The following AGRN variants were observed in gnomAD, a reference collection of about 807,000 sequenced individuals.
AGRN encodes agrin proteoglycan.
A neutral mutation model predicts 211.0 loss-of-function variants in AGRN; 106 were observed. The ratio of observed to expected loss-of-function variants is 0.50; its 90% CI spans 0.43 to 0.59. AGRN has a LOEUF of 0.59. Ranked by LOEUF, AGRN falls within the 20% of genes least tolerant of loss-of-function variation. AGRN has a pLI of 0.00. For synonymous variants in AGRN, 1,525 were observed against 1,332.5 expected (o/e 1.14, Z -3.15); for missense variants, 3,040 against 2,982.6 (o/e 1.02, Z -0.45).
Position 1,049,032 on chromosome 1 carries a change from C to T in AGRN, c.4271C>T (p.Ala1424Val), listed in dbSNP as rs777530290. 1.7e-5 allele frequency: 26 copies of T among 1,566,422 alleles called. No individual in the cohort carries two copies. The highest frequency in any genetic ancestry group is 2.3e-4 in the Middle Eastern group (1 of 4,400). Reference protein sequence around the residue: ...NARGKDFLALALLDGRVQLRF... With the variant: ...NARGKDFLALVLLDGRVQLRF... ...CGGGGCAAGGACTTCCTGGCATTGG[C>T]GCTGCTAGATGGCCGCGTGCAGCTC... The change falls in exon 24 of 36, where the codon GCG becomes GTG. Residue 1424 changes from alanine to valine, a missense_variant. This residue lies in a region of AGRN where 1,537 missense variants were observed against 1,505.0 expected (regional missense o/e 1.02). Coordinates refer to ENST00000379370, the MANE Select transcript of AGRN (RefSeq NM_198576.4).
intron 30 of AGRN, 71 bp downstream of exon 30, chr1:1,050,908 C>G: frequency 6.5e-7 from 1 of 1,528,968 alleles, no homozygotes; most frequent in Non-Finnish European, 8.8e-7. Context: ...AGCCCCGCCC[C>G]TGCCGGCGCT....
At chr1:1,038,786 TTG>T (rs1557697594) in intron 3 of AGRN, among the ~76,000 whole-genome samples, 4 of 151,958 alleles carry the variant, frequency 2.6e-5, no homozygotes, top group African/African-American at 9.7e-5. Context: ...CAGGTGCCCG[TTG>T]GATTTGGACT....
At position 1,049,728 on chromosome 1, in the gene AGRN, T is replaced by C; in HGVS notation, c.4677T>C (p.His1559=). 2 of 1,582,500 alleles carry C rather than the reference T, an allele frequency of 1.3e-6. No homozygotes were observed. Among genetic ancestry groups the C allele is most frequent in the Non-Finnish European group, 1.7e-6 (2 of 1,166,000 alleles). Residue 1559 remains histidine (H), a synonymous_variant, in exon 26 of 36, where the codon CAT becomes CAC. Coordinates refer to ENST00000379370, the MANE Select transcript of AGRN (RefSeq NM_198576.4). ...GDHPCLPNPC[H]GGAPCQNLEA... is the part of the protein sequence containing the mutation. ...ACCCCTGCCTGCCCAACCCCTGCCA[T>C]GGCGGGGCCCCATGCCAGAACCTGG... is the stretch of plus-strand genomic sequence containing the variant.
intron 30 of AGRN, 132 bp from the exon 31 acceptor site, chr1:1,051,121 G>A: frequency 1.3e-6 from 2 of 1,490,674 alleles, no homozygotes; most frequent in Non-Finnish European, 1.8e-6. Flanking sequence ...TAAGGACCCT[G>A]CCATTTCTGT....
chr1:1,029,106 G>A (rs1467537104), intron 2 of AGRN, among the ~76,000 whole-genome samples: 2 of 149,148 alleles, frequency 1.3e-5, no homozygotes, highest in Non-Finnish European at 1.5e-5. Flanking sequence ...CCACAGCCAC[G>A]CCACCCTTTC....
Position 1,041,465 on chromosome 1 carries a change from C to A in AGRN, c.953-13C>A, listed in dbSNP as rs1178185141. On this transcript the variant is annotated splice_polypyrimidine_tract_variant and intron_variant, in intron 5 of 35. Transcript: ENST00000379370. ...GCGGCGACAGCGTCCTGACTCCTGC[C>A]CTCGACCCCCAGACCCCTGTCAGGG... 2 of 1,583,580 alleles carry A rather than the reference C, an allele frequency of 1.3e-6. No individual in the cohort carries two copies. Among genetic ancestry groups the A allele is most frequent in the South Asian group, 2.2e-5 (2 of 89,002 alleles).
At position 1,028,331 on chromosome 1, in the gene AGRN, C is replaced by G. The variant is rs868696502; in HGVS notation, c.463+5869C>G. Among the ~76,000 whole-genome samples the G allele has an allele frequency of 2.5e-3, 359 of 143,654 alleles. 30 individuals carry two copies. The highest frequency in any genetic ancestry group is 8.8e-3 in the African/African-American group (336 of 38,032). 94.2% of individuals were successfully genotyped at this position (143,654 alleles called of 152,430 possible). A position where few individuals can be genotyped will look rare whatever the true frequency, so the allele number is the denominator to read the frequency against. Reference sequence around the variant, plus strand: ...TCCCGTGGGGAAACGCCCCCCCCCCCCCCCCGCCCTGCACCTGGCTGGCGG... The same window carrying G: ...TCCCGTGGGGAAACGCCCCCCCCCCGCCCCCGCCCTGCACCTGGCTGGCGG... On this transcript the variant is annotated intron_variant, in intron 2 of 35. Coordinates refer to ENST00000379370, the MANE Select transcript of AGRN (RefSeq NM_198576.4).
intron 2 of AGRN, 158 bp from the exon 3 acceptor site, chr1:1,035,119 A>AT: frequency 1.3e-6 from 1 of 799,600 alleles, no homozygotes; most frequent in South Asian, 1.4e-5. Context: ...CAGCCAGCCC[A>AT]TGGGGTCAGG....
intron 17 of AGRN, 32 bp downstream of exon 17, chr1:1,046,297 AC>A: frequency 1.9e-6 from 3 of 1,612,424 alleles, no homozygotes; most frequent in Non-Finnish European, 2.5e-6. Flanking sequence ...CCCAGAACTG[AC>A]CAGGAAGGCC....
intron 2 of AGRN, among the ~76,000 whole-genome samples, chr1:1,026,998 G>T (rs1644534128): frequency 6.6e-6 from 1 of 152,204 alleles, no homozygotes; most frequent in South Asian, 2.1e-4. Context: ...AGCGGAGCCT[G>T]CAGCACTGAG....
At chr1:1,040,518 G>T in intron 3 of AGRN, 147 bp from the exon 4 acceptor site, 1 of 967,530 alleles carries the variant, frequency 1.0e-6, no homozygotes, top group Non-Finnish European at 1.5e-6. Context: ...GTGAGCGCAC[G>T]CACGCGTGTC....
rs144794590 is a variant in AGRN, at chr1:1,045,797, G to T, written c.2601G>T (p.Ser867=). The part of the protein sequence containing the change: ...DDCEQMTGLC[S]CKPGVAGPKC... ...GTGAGCAGATGACGGGGCTGTGCTC[G>T]TGTAAGCCCGGGGTGGCTGGACCCA... The change falls in exon 15 of 36, where the codon TCG becomes TCT. Residue 867 remains serine (S), a synonymous_variant. Transcript: ENST00000379370. 1.5e-5 allele frequency: 24 copies of T among 1,613,204 alleles called. No individual in the cohort carries two copies. Among genetic ancestry groups the T allele is most frequent in the Admixed American group, 6.7e-5 (4 of 60,030 alleles).
In AGRN at chr1:1,050,731, G is replaced by A. The variant is rs1485164787; in HGVS notation, c.5147G>A (p.Arg1716Lys). The change falls in exon 30 of 36, where the codon AGG (arginine) becomes AAG (lysine). Residue 1716 changes from arginine to lysine, a missense_variant. By Grantham distance (26) the Arg-to-Lys change is conservative. Coordinates refer to ENST00000379370, the MANE Select transcript of AGRN (RefSeq NM_198576.4). ...LGKGAAVIRS[R>K]EPVTLGAWTR... ...ACGCTGCCCCTCCTCACCAGGAGCA[G>A]GGAGCCAGTCACCCTGGGAGCCTGG... 2 of 1,602,264 alleles carry A rather than the reference G, an allele frequency of 1.2e-6. No homozygotes were observed. Among genetic ancestry groups the A allele is most frequent in the African/African-American group, 1.3e-5 (1 of 74,748 alleles).
At chr1:1,025,985 G>A (rs367553588) in intron 2 of AGRN, among the ~76,000 whole-genome samples, 5 of 149,888 alleles carry the variant, frequency 3.3e-5, no homozygotes, top group Non-Finnish European at 7.4e-5. Context: ...GCCTTGGCCT[G>A]GGGGGGGGCT....
In AGRN at chr1:1,055,388, G is replaced by T; in HGVS notation, c.*407G>T. On this transcript the variant is annotated 3_prime_UTR_variant, in exon 36 of 36. Transcript: ENST00000379370. ...GGGTGACCCCACAGGGCCTTTCCAA[G>T]CCCCCATTTGAGCTGCTCCTTCCTG... 1 of 346,044 alleles carries T rather than the reference G, an allele frequency of 2.9e-6. No individual in the cohort carries two copies. The highest frequency in any genetic ancestry group is 2.4e-5 in the South Asian group (1 of 42,518). 21.4% of individuals were successfully genotyped at this position (346,044 alleles called of 1,614,324 possible). A position where few individuals can be genotyped will look rare whatever the true frequency, so the allele number is the denominator to read the frequency against.
In AGRN at chr1:1,044,177, C is replaced by A. The variant is rs1645026919; in HGVS notation, c.2068C>A (p.Arg690Ser). Residue 690 changes from arginine (R) to serine (S), a missense_variant, in exon 11 of 36, where the codon CGC (arginine) becomes AGC (serine). By Grantham distance (110) the Arg-to-Ser change is moderately radical. This residue lies in a region of AGRN where 1,498 missense variants were observed against 1,457.8 expected (regional missense o/e 1.03). Coordinates refer to ENST00000379370, the MANE Select transcript of AGRN (RefSeq NM_198576.4). ...CTGTGAGCAGGAGCTGTGCCGGCAG[C>A]GCGGTGGCATCTGGGACGAGGACTC... ...GDCEQELCRQRGGIWDEDSED... is the reference protein window; with the variant it reads ...GDCEQELCRQSGGIWDEDSED... 6.2e-7 allele frequency: 1 copy of A among 1,613,186 alleles called. No homozygotes were observed. Among genetic ancestry groups the A allele is most frequent in the East Asian group, 2.2e-5 (1 of 44,878 alleles).
At chr1:1,022,611 TTCTCCGTCCCTGGC>T (rs1307772148) in intron 2 of AGRN, 149 bp downstream of exon 2, 1 of 832,600 alleles carries the variant, frequency 1.2e-6, no homozygotes, top group Non-Finnish European at 1.8e-6. Flanking sequence ...CATTCTCTGC[TTCTCCGTCCCTGGC>T]TCCCCAGCTG....
At chr1:1,038,013 A>T (rs895592663) in intron 3 of AGRN, among the ~76,000 whole-genome samples, 10 of 152,002 alleles carry the variant, frequency 6.6e-5, no homozygotes, top group African/African-American at 2.4e-4. Context: ...TGAGCGGAGA[A>T]TGGGGGGGTG....
chr1:1,042,375 G>T (rs1486468661), intron 7 of AGRN, among the ~76,000 whole-genome samples: 1 of 152,170 alleles, frequency 6.6e-6, no homozygotes, highest in Non-Finnish European at 1.5e-5. Flanking sequence ...CCTTGTCCAG[G>T]CTCCCTGGTC....
Sources: gnomAD v4.1 joint callset for allele counts (sites outside exome capture counted in the v4.1 genomes callset) on GRCh38, gnomAD v4.1.1 for gene constraint, gnomAD v4.1.1 regional missense constraint, MANE v1.5 for transcripts, NCBI Gene and HGNC (gene_info 2026-07-23, HGNC 2026-07-21) for gene names.